The following DNM1L variants were observed in gnomAD, a reference collection of about 807,000 sequenced individuals.
DNM1L encodes the protein dynamin-1-like protein.
Under a neutral mutation model 92.8 loss-of-function variants are expected in DNM1L, and 33 were observed. The ratio of observed to expected loss-of-function variants is 0.36; its 90% CI spans 0.27 to 0.48. The LOEUF is 0.48. Among genes scored for constraint, DNM1L ranks in the 20% least tolerant of loss-of-function variants. The pLI, the probability that DNM1L is intolerant of heterozygous loss-of-function variation, is 0.99. For missense variants in DNM1L, 485 were observed against 888.8 expected, an observed-to-expected ratio of 0.55 and a Z score of 5.78; for synonymous variants, 284 against 305.0, an observed-to-expected ratio of 0.93 and a Z score of 0.72.
chr12:32,684,678 A>G (rs1951932851), intron 1 of DNM1L, among the ~76,000 whole-genome samples: 1 of 152,206 alleles, frequency 6.6e-6, no homozygotes, highest in Non-Finnish European at 1.5e-5. Flanking sequence ...CATGTTGGCC[A>G]GGCTGGTCTC....
At chr12:32,737,840 T>G in intron 14 of DNM1L, 25 bp from the exon 15 acceptor site, 1 of 1,604,006 alleles carries the variant, frequency 6.2e-7, no homozygotes, top group Non-Finnish European at 8.5e-7. Flanking sequence ...TGATTTTTTT[T>G]CCCCCCTGGA....
At chr12:32,679,868 G>T in intron 1 of DNM1L, 1 of 993,388 alleles carries the variant, frequency 1.0e-6, no homozygotes, top group Non-Finnish European at 1.2e-6. Flanking sequence ...GGCTCGGTGG[G>T]CTGGCTGTTC....
Position 32,735,640 on chromosome 12 carries a change from G to C in DNM1L, c.1540-1465G>C, listed in dbSNP as rs150034086. Among the ~76,000 whole-genome samples the C allele has an allele frequency of 5.9e-5, 9 of 152,232 alleles. No individual in the cohort carries two copies. The East Asian group carries it at 1.7e-3, about 29-fold the overall frequency. On this transcript the variant is annotated intron_variant, in intron 13 of 19. Coordinates refer to ENST00000549701, the MANE Select transcript of DNM1L (RefSeq NM_012062.5). ...TCATGCCTGTAATCCCAGCACTTTG[G>C]TAGGCCGAGGCAGGCTGATCACCTG...
intron 1 of DNM1L, among the ~76,000 whole-genome samples, chr12:32,701,045 C>T (rs759876687): frequency 1.3e-5 from 2 of 152,122 alleles, no homozygotes; most frequent in Admixed American, 6.6e-5. Context: ...GAGGCTGAGG[C>T]AGGTGGATCA....
rs1462562970 is a variant in DNM1L, at chr12:32,679,334, C to T, written c.-30C>T. The T allele has an allele frequency of 6.7e-7, 1 of 1,496,854 alleles. No individual in the cohort carries two copies. The highest frequency in any genetic ancestry group is 9.3e-7 in the Non-Finnish European group (1 of 1,076,430). The allele number at this position is 1,496,854 out of a possible 1,614,324, so 92.7% of individuals were successfully genotyped here. A position where few individuals can be genotyped will look rare whatever the true frequency, so the allele number is the denominator to read the frequency against. ...CGGCCCCATTCATTGCCGTGGCCGG[C>T]GGGCACTGGGGCCCCGTGTTTTCAG... On this transcript the variant is annotated 5_prime_UTR_variant, in exon 1 of 20. Coordinates refer to ENST00000549701, the MANE Select transcript of DNM1L (RefSeq NM_012062.5).
intron 13 of DNM1L, among the ~76,000 whole-genome samples, chr12:32,736,194 C>G (rs754015888): frequency 6.6e-6 from 1 of 151,376 alleles, no homozygotes; most frequent in Non-Finnish European, 1.5e-5. Context: ...GCCGCAGCCT[C>G]CTGAGTAGCT....
chr12:32,700,173 G>A (rs1952643585), intron 1 of DNM1L, among the ~76,000 whole-genome samples: 1 of 152,090 alleles, frequency 6.6e-6, no homozygotes. Context: ...AGGCTGGAGT[G>A]TAGTGGTGTG....
chr12:32,724,014 C>CCTT (rs1250790804), intron 9 of DNM1L, among the ~76,000 whole-genome samples: 3 of 152,130 alleles, frequency 2.0e-5, no homozygotes, highest in African/African-American at 7.2e-5. Context: ...GAAATCTAGA[C>CCTT]CTTCCTCTAA....
At chr12:32,692,392 C>T (rs574866995) in intron 1 of DNM1L, 1 of 152,186 alleles carries the variant, frequency 6.6e-6, no homozygotes, top group South Asian at 2.1e-4. Context: ...CATGAGTACC[C>T]GTGAGGTAGA....
At position 32,741,860 on chromosome 12, in the gene DNM1L, T is replaced by G. The variant is rs142391822; in HGVS notation, c.1995-729T>G. ...TCATAGGCTATACCATCTACGTTTG[T>G]GTAAGTACACTCTGTGCTGTGCATG... On this transcript the variant is annotated intron_variant, in intron 18 of 19. Transcript: ENST00000549701. Among the ~76,000 whole-genome samples the G allele has an allele frequency of 1.4e-3, 211 of 152,328 alleles. 2 individuals are homozygous for G. The South Asian group carries it at 0.014, about 10-fold the overall frequency.
intron 16 of DNM1L, 142 bp downstream of exon 16, chr12:32,738,438 C>T (rs1955055850): frequency 1.1e-6 from 1 of 887,198 alleles, no homozygotes; most frequent in Non-Finnish European, 1.8e-6. Flanking sequence ...TTTTATCTAA[C>T]CTGTGGAAGA....
chr12:32,705,625 T>G, intron 2 of DNM1L: 1 of 462,694 alleles, frequency 2.2e-6, no homozygotes, highest in Non-Finnish European at 3.8e-6. Flanking sequence ...CTAATTCTAG[T>G]TGTATTTTGC....
intron 5 of DNM1L, among the ~76,000 whole-genome samples, chr12:32,711,510 T>C (rs925120937): frequency 2.6e-5 from 4 of 152,150 alleles, no homozygotes; most frequent in African/African-American, 9.7e-5. Flanking sequence ...ATTTGGTATT[T>C]CTATAGTCTT....
intron 9 of DNM1L, 114 bp from the exon 10 acceptor site, chr12:32,730,900 A>G: frequency 2.7e-6 from 4 of 1,464,868 alleles, no homozygotes; most frequent in Non-Finnish European, 3.8e-6. Flanking sequence ...GAAATTGTTT[A>G]TCTGAGGCTT....
chr12:32,721,134 A>G (rs1048751849), intron 8 of DNM1L, among the ~76,000 whole-genome samples: 2 of 152,230 alleles, frequency 1.3e-5, no homozygotes, highest in African/African-American at 4.8e-5. Flanking sequence ...CACATTATCT[A>G]TTCTTACCTT....
At chr12:32,704,957 A>G (rs1047454236) in intron 2 of DNM1L, among the ~76,000 whole-genome samples, 1 of 149,714 alleles carries the variant, frequency 6.7e-6, no homozygotes, top group Non-Finnish European at 1.5e-5. Context: ...AAATCAGGCA[A>G]TTTATCTTTT....
chr12:32,721,381 CT>C (rs966396856), intron 8 of DNM1L, among the ~76,000 whole-genome samples: 3 of 152,092 alleles, frequency 2.0e-5, no homozygotes, highest in African/African-American at 4.8e-5. Context: ...TTGATTTTCA[CT>C]TTGCTGGGTA....
chr12:32,690,152 A>C (rs1446029027), intron 1 of DNM1L, among the ~76,000 whole-genome samples: 1 of 152,220 alleles, frequency 6.6e-6, no homozygotes, highest in African/African-American at 2.4e-5. Flanking sequence ...TGATAGAACC[A>C]ATTGTTGAAG....
chr12:32,723,983 A>G (rs769720554), intron 9 of DNM1L, among the ~76,000 whole-genome samples: 2 of 152,180 alleles, frequency 1.3e-5, no homozygotes, highest in African/African-American at 2.4e-5. Context: ...AATGAATTCA[A>G]TGTAATTTTG....
Sources: gnomAD v4.1 joint callset for allele counts (sites outside exome capture counted in the v4.1 genomes callset) on GRCh38, gnomAD v4.1.1 for gene constraint, MANE v1.5 for transcripts, NCBI Gene and HGNC (gene_info 2026-07-23, HGNC 2026-07-21) for gene names.